The following ARID3C variants were observed in gnomAD, a reference collection of about 807,000 sequenced individuals.
ARID3C encodes the protein AT-rich interaction domain 3C, also known as AT-rich interactive domain-containing protein 3C.
A neutral mutation model predicts 37.9 loss-of-function variants in ARID3C; 42 were observed. The observed-to-expected ratio is 1.11, with a 90% CI of 0.87 to 1.43. The LOEUF (loss-of-function observed/expected upper bound fraction) is 1.43. Ranked by LOEUF, ARID3C falls within the 40% of genes most tolerant of loss-of-function variation. The pLI, the probability that ARID3C is intolerant of heterozygous loss-of-function variation, is 0.00. For missense variants in ARID3C, 581 were observed against 548.8 expected (o/e 1.06, Z -0.59); for synonymous variants, 213 against 228.0 (o/e 0.93, Z 0.59).
In ARID3C at chr9:34,628,020, C is replaced by T. The variant is rs1331631669; in HGVS notation, c.-6G>A. The T allele has an allele frequency of 8.8e-6, 13 of 1,472,254 alleles. No individual in the cohort carries two copies. The highest frequency in any genetic ancestry group is 1.2e-5 in the Non-Finnish European group (13 of 1,110,578). 91.2% of individuals were successfully genotyped at this position (1,472,254 alleles called of 1,614,324 possible). ...TGCTTCTGCAGGGCCTCCATGACAGCTTCCAGGCGCAGTCCCCCAGCTGAG... is the reference window on the plus strand; with the variant it reads ...TGCTTCTGCAGGGCCTCCATGACAGTTTCCAGGCGCAGTCCCCCAGCTGAG... On this transcript the variant is annotated 5_prime_UTR_variant, in exon 1 of 7. Transcript: ENST00000378909. This position sits in a 1 kb window ranked among gnomAD's most constrained non-coding sequence, Gnocchi z 5.2.
upstream of ARID3C, among the ~76,000 whole-genome samples, chr9:34,632,272 G>A (rs1332620658): frequency 1.3e-5 from 2 of 152,216 alleles, no homozygotes; most frequent in African/African-American, 2.4e-5. Context: ...CGAGCACTAC[G>A]GTCAGAATAG....
chr9:34,628,226 A>C (rs1253357470), upstream of ARID3C: 10 of 569,244 alleles, frequency 1.8e-5, no homozygotes, highest in Non-Finnish European at 2.9e-5. The surrounding 1 kb of genome is among the most constrained non-coding windows in gnomAD (Gnocchi z 5.2). Context: ...AGGTGAACAG[A>C]AACAGGACCA....
At chr9:34,629,728 ATTTTCTTTTC>A (rs990665647), upstream of ARID3C, among the ~76,000 whole-genome samples, 1 of 151,596 alleles carries the variant, frequency 6.6e-6, no homozygotes, top group Non-Finnish European at 1.5e-5. Context: ...TATTATGGAA[ATTTTCTTTTC>A]TTTTCTTTTT....
intron 1 of ARID3C, 120 bp from the exon 3 acceptor site, chr9:34,625,934 T>C (rs1820649227): frequency 8.9e-7 from 1 of 1,118,490 alleles, no homozygotes; most frequent in Non-Finnish European, 1.3e-6. Flanking sequence ...GATCTCAATG[T>C]GGACTCCCTG....
At chr9:34,624,104 C>A in intron 2 of ARID3C, 57 bp from the exon 4 acceptor site, 3 of 1,507,534 alleles carry the variant, frequency 2.0e-6, no homozygotes, top group Non-Finnish European at 2.7e-6. Flanking sequence ...TCTGCAGCAT[C>A]CCCAGGGACT....
exon 7 of ARID3C, chr9:34,621,540 C>A: frequency 6.4e-7 from 1 of 1,568,292 alleles, no homozygotes; most frequent in African/African-American, 1.4e-5. Flanking sequence ...CACAGGCTGG[C>A]GGCGGGCAAA....
intron 2 of ARID3C, among the ~76,000 whole-genome samples, chr9:34,624,292 G>A (rs1461472590): frequency 6.6e-6 from 1 of 152,234 alleles, no homozygotes; most frequent in Non-Finnish European, 1.5e-5. Flanking sequence ...CGCTGTCATT[G>A]TAGCCTAAAG....
At chr9:34,632,520 A>G (rs1253820647), upstream of ARID3C, among the ~76,000 whole-genome samples, 1 of 152,226 alleles carries the variant, frequency 6.6e-6, no homozygotes, top group Non-Finnish European at 1.5e-5. Flanking sequence ...AGAACCCTCC[A>G]CACAAGATGC....
In ARID3C at chr9:34,622,469, G is replaced by GTC; in HGVS notation, c.925_926insGA (p.Thr309ArgfsTer18). 5.0e-6 allele frequency: 8 copies of GTC among 1,614,022 alleles called. No individual in the cohort carries two copies. Among genetic ancestry groups the GTC allele is most frequent in the Non-Finnish European group, 6.8e-6 (8 of 1,179,946 alleles). Reference sequence around the variant, plus strand: ...CTCCTCTGGTGCCAATTTCTCCCGTGTAGGTCCCAGTGCCAGGCCCACAGG... The same window carrying GTC: ...CTCCTCTGGTGCCAATTTCTCCCGTGTCTAGGTCCCAGTGCCAGGCCCACAGG... On this transcript the variant is annotated frameshift_variant, in exon 5 of 7. Coordinates refer to ENST00000378909, the Ensembl canonical transcript of ARID3C. LOFTEE classifies it high-confidence loss of function.
exon 7 of ARID3C, chr9:34,621,404 G>C: frequency 6.4e-6 from 8 of 1,246,898 alleles, no homozygotes; most frequent in Non-Finnish European, 8.7e-6. Context: ...AAAGCAGGGG[G>C]TCTCCTCCCC....
At chr9:34,621,775 A>T (rs188641986) in intron 6 of ARID3C, among the ~76,000 whole-genome samples, 125 of 152,230 alleles carry the variant, frequency 8.2e-4, no homozygotes, top group African/African-American at 2.9e-3. Context: ...ATTTATGCTG[A>T]TACATAGGCC....
chr9:34,627,855 C>A lies in ARID3C; in HGVS notation c.160G>T (p.Glu54Ter). The change falls in exon 1 of 7, where the codon GAA becomes TAA. Residue 54 changes from glutamate to a stop codon, truncating the protein, a stop_gained. Coordinates refer to ENST00000378909, the Ensembl canonical transcript of ARID3C. LOFTEE classifies it high-confidence loss of function. The stretch of plus-strand genomic sequence containing the variant: ...TTCTCCTCATCTTCTTCAGCATCTT[C>A]CTCTTCCTCAGCCCCAACATTCCCC... 1 of 1,596,868 alleles carries A rather than the reference C, an allele frequency of 6.3e-7. No homozygotes were observed. Among genetic ancestry groups the A allele is most frequent in the Non-Finnish European group, 8.5e-7 (1 of 1,171,492 alleles).
intron 5 of ARID3C, 31 bp from the exon 7 acceptor site, chr9:34,622,140 T>C (rs1417009640): frequency 6.2e-7 from 1 of 1,612,114 alleles, no homozygotes; most frequent in Non-Finnish European, 8.5e-7. Context: ...GAATCACATT[T>C]TGGAGAATCA....
chr9:34,621,315 T>C, downstream of ARID3C: 1 of 544,970 alleles, frequency 1.8e-6, no homozygotes, highest in Non-Finnish European at 3.1e-6. Context: ...AAAAGAAACT[T>C]TGGTTTTAAG....
intron 2 of ARID3C, among the ~76,000 whole-genome samples, 160 bp from the exon 4 acceptor site, chr9:34,624,207 A>G (rs1398265312): frequency 1.4e-5 from 2 of 140,842 alleles, no homozygotes; most frequent in African/African-American, 5.4e-5. Context: ...CAAGAAGGAC[A>G]GGAGGCTAGA....
intron 3 of ARID3C, 45 bp from the exon 5 acceptor site, chr9:34,623,759 A>T (rs1476934357): frequency 1.3e-6 from 2 of 1,502,494 alleles, no homozygotes; most frequent in Non-Finnish European, 1.8e-6. Context: ...GGCTGCACCC[A>T]GCTGGTCAAG....
Position 34,623,861 on chromosome 9 carries a change from C to A in ARID3C, c.575+3G>T. The A allele has an allele frequency of 1.3e-6, 2 of 1,591,388 alleles. No homozygotes were observed. ...TCCCTTCCGCTCCCGCCCCTGGCCT[C>A]ACTGGGTGCGTAGAGTGAAGGCGGC... On this transcript the variant is annotated splice_donor_region_variant and intron_variant, in intron 3 of 6. Transcript: ENST00000378909.
At chr9:34,623,695 G>C (rs544991892) in exon 4 of ARID3C, 2 of 1,557,560 alleles carry the variant, frequency 1.3e-6, no homozygotes, top group African/African-American at 2.7e-5. Context: ...CACTCGTACG[G>C]GTACAGGTAC....
Position 34,621,574 on chromosome 9 carries a change from G to A in ARID3C, c.1139-16C>T. The A allele has an allele frequency of 6.4e-7, 1 of 1,567,904 alleles. No individual in the cohort carries two copies. The highest frequency in any genetic ancestry group is 8.6e-7 in the Non-Finnish European group (1 of 1,164,878). On this transcript the variant is annotated splice_polypyrimidine_tract_variant and intron_variant, in intron 6 of 6. Coordinates refer to ENST00000378909, the Ensembl canonical transcript of ARID3C. ...AAGAGGACACCTGGCAAAGGGGTGA[G>A]GAGATGGTAGAGGGCAAAAACAAGC...
Sources: allele counts gnomAD v4.1 joint callset (sites outside exome capture counted in the v4.1 genomes callset), GRCh38; gene constraint gnomAD v4.1.1; non-coding constraint Gnocchi (gnomAD v3.1); transcripts MANE v1.5; gene names NCBI Gene and HGNC (gene_info 2026-07-23, HGNC 2026-07-21).